The following ADAM19 variants were observed in gnomAD, a reference collection of about 807,000 sequenced individuals.
ADAM19 encodes disintegrin and metalloproteinase domain-containing protein 19.
A neutral mutation model predicts 114.7 loss-of-function variants in ADAM19; 65 were observed. The ratio of observed to expected loss-of-function variants is 0.57; its 90% CI spans 0.46 to 0.70. The LOEUF is 0.70. Among genes scored for constraint, ADAM19 ranks in the 30% least tolerant of loss-of-function variants. ADAM19 has a pLI of 0.00. For missense variants in ADAM19, 1,063 were observed against 1,204.7 expected, an observed-to-expected ratio of 0.88 and a Z score of 1.74; for synonymous variants, 466 against 460.5, an observed-to-expected ratio of 1.01 and a Z score of -0.15.
In ADAM19 at chr5:157,488,126, C is replaced by T. The variant is rs1038613275; in HGVS notation, c.2550+139G>A. 19 of 828,890 alleles carry T rather than the reference C, an allele frequency of 2.3e-5. No homozygotes were observed. In the African/African-American group the frequency reaches 2.9e-4, roughly 13 times the overall value. 51.3% of individuals were successfully genotyped at this position (828,890 alleles called of 1,614,324 possible). A position where few individuals can be genotyped will look rare whatever the true frequency, so the allele number is the denominator to read the frequency against. On this transcript the variant is annotated intron_variant, in intron 21 of 22. Transcript: ENST00000257527. ...GTTCGTTGCTCTAACCTGCTGTGCG[C>T]CCCCGTATTGACTGAATTGCAGAAA... is the stretch of plus-strand genomic sequence containing the variant.
intron 2 of ADAM19, chr5:157,570,477 G>A (rs1757790751): frequency 6.2e-6 from 1 of 160,562 alleles, no homozygotes; most frequent in Non-Finnish European, 1.4e-5. Flanking sequence ...AGGTCTCTAC[G>A]CTGCGTCTTA....
intron 7 of ADAM19, among the ~76,000 whole-genome samples, chr5:157,517,698 A>T (rs1045623182): frequency 8.5e-5 from 13 of 152,168 alleles, no homozygotes; most frequent in Admixed American, 2.0e-4. Flanking sequence ...TCTTCTTGAG[A>T]TCTATATATC....
intron 4 of ADAM19, among the ~76,000 whole-genome samples, chr5:157,534,693 T>C (rs1320881442): frequency 6.6e-6 from 1 of 152,196 alleles, no homozygotes; most frequent in Non-Finnish European, 1.5e-5. Flanking sequence ...CAGCTCTTAC[T>C]GCTTGCTGAA....
In ADAM19 at chr5:157,497,018, C is replaced by T. The variant is rs764629282; in HGVS notation, c.1470G>A (p.Lys490=). The T allele has an allele frequency of 6.3e-7, 1 of 1,589,742 alleles. No homozygotes were observed. Among genetic ancestry groups the T allele is most frequent in the Admixed American group, 1.8e-5 (1 of 55,740 alleles). The stretch of plus-strand genomic sequence containing the variant: ...AGAAGTTGGTAGGGCAGTGGGGAGA[C>T]TTGCCCGTACAGAACTCCGGGAGGT... ...QCDLPEFCTG[K]SPHCPTNFYQ... The change falls in exon 14 of 23, where the codon AAG becomes AAA. Residue 490 remains lysine (K), a synonymous_variant. Coordinates refer to ENST00000257527, the MANE Select transcript of ADAM19 (RefSeq NM_033274.5).
chr5:157,478,997 G>C lies in ADAM19; in HGVS notation c.*1952C>G. The C allele has an allele frequency of 3.2e-5, 32 of 985,646 alleles. No homozygotes were observed. The highest frequency in any genetic ancestry group is 3.7e-5 in the Non-Finnish European group (31 of 829,956). The allele number at this position is 985,646 out of a possible 1,614,324, so 61.1% of individuals were successfully genotyped here. A position where few individuals can be genotyped will look rare whatever the true frequency, so the allele number is the denominator to read the frequency against. ...TGTTGCTTGTTTGTTTTGCAGAGGG[G>C]TGAAAGGGGATGTTTTCACCTTTAC... On this transcript the variant is annotated 3_prime_UTR_variant, in exon 23 of 23. Coordinates refer to ENST00000257527, the MANE Select transcript of ADAM19 (RefSeq NM_033274.5).
In ADAM19 at chr5:157,574,415, G is replaced by A. The variant is rs557577704; in HGVS notation, c.94+1188C>T. 2.9e-4 allele frequency among the ~76,000 whole-genome samples: 44 copies of A among 152,218 alleles called. 1 individual carries two copies. The South Asian group carries it at 9.1e-3, about 32-fold the overall frequency. On this transcript the variant is annotated intron_variant, in intron 1 of 22. Transcript: ENST00000257527. ...TCCTCTGTGCCTCAGTTTCCCCTTC[G>A]GAACAACAGCTCAAAGGGCGGTTCC...
chr5:157,542,497 T>C (rs1364286844), intron 3 of ADAM19, among the ~76,000 whole-genome samples: 2 of 152,328 alleles, frequency 1.3e-5, no homozygotes, highest in East Asian at 1.9e-4. Flanking sequence ...ATGACTATGG[T>C]TCCTCTCAAT....
At position 157,480,222 on chromosome 5, in the gene ADAM19, G is replaced by T; in HGVS notation, c.*727C>A. ...GCAACTAAAAATTATCCAGAGTCAG[G>T]AGTCGCAACCTTTGGCATCACGGCT... On this transcript the variant is annotated 3_prime_UTR_variant, in exon 23 of 23. Transcript: ENST00000257527. The T allele has an allele frequency of 2.0e-6, 2 of 986,082 alleles. No individual in the cohort carries two copies. The highest frequency in any genetic ancestry group is 2.4e-6 in the Non-Finnish European group (2 of 830,054). The allele number at this position is 986,082 out of a possible 1,614,324, so 61.1% of individuals were successfully genotyped here. A position where few individuals can be genotyped will look rare whatever the true frequency, so the allele number is the denominator to read the frequency against.
At chr5:157,500,754 C>T (rs1755534303) in intron 12 of ADAM19, among the ~76,000 whole-genome samples, 1 of 152,180 alleles carries the variant, frequency 6.6e-6, no homozygotes. Flanking sequence ...TCCTTGCTCT[C>T]CCCCAGCCTG....
At chr5:157,499,774 T>TC (rs1314557305) in intron 12 of ADAM19, 112 bp from the exon 13 acceptor site, 4 of 85,446 alleles carry the variant, frequency 4.7e-5, no homozygotes, top group South Asian at 3.2e-4. Context: ...CAACTATCTC[T>TC]TTTTTTTTTT....
In ADAM19 at chr5:157,481,774, G is replaced by T; in HGVS notation, c.2703+17C>A. 6.4e-7 allele frequency: 1 copy of T among 1,562,836 alleles called. No individual in the cohort carries two copies. Among genetic ancestry groups the T allele is most frequent in the Non-Finnish European group, 8.7e-7 (1 of 1,152,260 alleles). On this transcript the variant is annotated intron_variant, in intron 22 of 22. Transcript: ENST00000257527. ...TCTGGTACCAGCTTTCACCTTGAGG[G>T]CTTCCCGTGGACTCACCTTTGGGGC... is the stretch of plus-strand genomic sequence containing the variant.
chr5:157,526,199 C>T (rs1003517432), intron 5 of ADAM19, among the ~76,000 whole-genome samples: 4 of 151,092 alleles, frequency 2.6e-5, no homozygotes, highest in African/African-American at 4.9e-5. Context: ...CACACACACA[C>T]ACAATTATGT....
chr5:157,510,073 G>C (rs538559222), intron 8 of ADAM19, among the ~76,000 whole-genome samples: 1 of 152,238 alleles, frequency 6.6e-6, no homozygotes, highest in East Asian at 1.9e-4. Flanking sequence ...AAGTTCTCTT[G>C]TATATAGATT....
chr5:157,571,121 A>C, intron 1 of ADAM19, 141 bp from the exon 2 acceptor site: 2 of 647,954 alleles, frequency 3.1e-6, no homozygotes, highest in Non-Finnish European at 5.4e-6. Flanking sequence ...CTTCCTAGGA[A>C]CTAGGCACTC....
chr5:157,531,767 GAC>G (rs1756631815), intron 4 of ADAM19, among the ~76,000 whole-genome samples: 1 of 151,920 alleles, frequency 6.6e-6, no homozygotes. Context: ...AGGACACACA[GAC>G]ACACACACAG....
At chr5:157,484,705 C>T (rs1011411602) in intron 21 of ADAM19, among the ~76,000 whole-genome samples, 4 of 152,188 alleles carry the variant, frequency 2.6e-5, no homozygotes, top group African/African-American at 9.7e-5. Context: ...CAATACAACC[C>T]GCCCCCTTCA....
In ADAM19 at chr5:157,527,635, T is replaced by C. The variant is rs192014087; in HGVS notation, c.407+3172A>G. ...AGGACCCTCCCTCAAAACATGGGGATTGCAATTCGAGATCAGATTTGGGTG... is the reference window on the plus strand; with the variant it reads ...AGGACCCTCCCTCAAAACATGGGGACTGCAATTCGAGATCAGATTTGGGTG... On this transcript the variant is annotated intron_variant, in intron 5 of 22. Transcript: ENST00000257527. Among the ~76,000 whole-genome samples, 70 of 152,282 alleles carry C rather than the reference T, an allele frequency of 4.6e-4. 1 individual carries two copies. The East Asian group carries it at 0.013, about 27-fold the overall frequency.
At position 157,480,753 on chromosome 5, in the gene ADAM19, T is replaced by A; in HGVS notation, c.*196A>T. 7.0e-7 allele frequency: 1 copy of A among 1,432,602 alleles called. No individual in the cohort carries two copies. The highest frequency in any genetic ancestry group is 9.1e-7 in the Non-Finnish European group (1 of 1,098,890). The allele number at this position is 1,432,602 out of a possible 1,614,324, so 88.7% of individuals were successfully genotyped here. ...AAAACAACACCTAGAGGCCATCAGATCATAGTCCCTCTGGGCTTCCAAGGA... is the reference window on the plus strand; with the variant it reads ...AAAACAACACCTAGAGGCCATCAGAACATAGTCCCTCTGGGCTTCCAAGGA... On this transcript the variant is annotated 3_prime_UTR_variant, in exon 23 of 23. Transcript: ENST00000257527.
intron 7 of ADAM19, among the ~76,000 whole-genome samples, chr5:157,516,657 AG>A (rs1756098231): frequency 6.6e-6 from 1 of 152,150 alleles, no homozygotes; most frequent in Non-Finnish European, 1.5e-5. Flanking sequence ...ATGTAACCAA[AG>A]GATTCTGTAG....
Sources: allele counts gnomAD v4.1 joint callset (sites outside exome capture counted in the v4.1 genomes callset), GRCh38; gene constraint gnomAD v4.1.1; transcripts MANE v1.5; gene names NCBI Gene and HGNC (gene_info 2026-07-23, HGNC 2026-07-21).